AK5: variants seen among roughly 807,000 people sequenced by gnomAD.
AK5 encodes the protein adenylate kinase 5, also known as adenylate kinase isoenzyme 5.
Under a neutral mutation model 69.5 loss-of-function variants are expected in AK5, and 27 were observed. The observed-to-expected ratio is 0.39, with a 90% CI of 0.29 to 0.54. The LOEUF (loss-of-function observed/expected upper bound fraction) is 0.54, where lower values mean the gene tolerates loss of function less well. AK5 is among the 20% of genes least tolerant of loss of function. The pLI is 0.71. For synonymous variants in AK5, 260 were observed against 244.4 expected (o/e 1.06, Z -0.60); for missense variants, 531 against 700.4 (o/e 0.76, Z 2.73).
At chr1:77,518,445 T>G in intron 10 of AK5, 119 bp from the exon 11 acceptor site, 2 of 1,067,342 alleles carry the variant, frequency 1.9e-6, no homozygotes, top group Non-Finnish European at 1.4e-6. Context: ...ATAGCAAATC[T>G]CAAGTTCCCA....
intron 5 of AK5, among the ~76,000 whole-genome samples, chr1:77,334,044 C>G (rs1661223249): frequency 1.3e-5 from 2 of 152,066 alleles, no homozygotes; most frequent in African/African-American, 4.8e-5. Flanking sequence ...ATTTTCATTG[C>G]CCTTCGTTCA....
At chr1:77,481,942 A>G (rs1655277647) in intron 8 of AK5, among the ~76,000 whole-genome samples, 1 of 152,254 alleles carries the variant, frequency 6.6e-6, no homozygotes, top group Non-Finnish European at 1.5e-5. Flanking sequence ...TACCACATAT[A>G]CAATAGAATG....
At chr1:77,378,855 A>G (rs1161908275) in intron 6 of AK5, among the ~76,000 whole-genome samples, 1 of 152,184 alleles carries the variant, frequency 6.6e-6, no homozygotes, top group Non-Finnish European at 1.5e-5. Flanking sequence ...GATAGGCAGG[A>G]CAGCAAACTG....
chr1:77,533,970 A>G (rs1658816379), intron 12 of AK5, among the ~76,000 whole-genome samples: 1 of 151,840 alleles, frequency 6.6e-6, no homozygotes, highest in Non-Finnish European at 1.5e-5. Context: ...CTTCCAATTA[A>G]TACAGACAGA....
chr1:77,367,577 A>G (rs750040065), intron 6 of AK5, among the ~76,000 whole-genome samples: 150 of 8,990 alleles, frequency 0.017, 23 homozygotes, highest in Non-Finnish European at 0.032. Flanking sequence ...ATATATATAT[A>G]TAATATATAT....
chr1:77,286,288 A>AT (rs1658346683), intron 1 of AK5, among the ~76,000 whole-genome samples: 1 of 151,398 alleles, frequency 6.6e-6, no homozygotes, highest in Admixed American at 6.6e-5. Context: ...TAGGAGTGAG[A>AT]TAAATAATGA....
chr1:77,316,097 A>G (rs1439044891), intron 5 of AK5, among the ~76,000 whole-genome samples: 2 of 152,154 alleles, frequency 1.3e-5, no homozygotes, highest in Non-Finnish European at 2.9e-5. Context: ...ATCATAGTGG[A>G]GTGGTCATGA....
At chr1:77,409,585 T>C (rs1570521560) in intron 6 of AK5, among the ~76,000 whole-genome samples, 1 of 152,010 alleles carries the variant, frequency 6.6e-6, no homozygotes, top group South Asian at 2.1e-4. Context: ...TTAATGGAGG[T>C]ATTTGTTTTA....
rs143758831 is a variant in AK5, at chr1:77,469,783, A to G, written c.1060-13534A>G. Among the ~76,000 whole-genome samples the G allele has an allele frequency of 2.6e-4, 39 of 152,342 alleles. No homozygotes were observed. In the East Asian group the frequency reaches 7.3e-3, roughly 29 times the overall value. The stretch of plus-strand genomic sequence containing the variant: ...TGGAAGCATGCAGGATACTTGAAGC[A>G]TAGCCGTGGAACTAGCATACTGTAA... On this transcript the variant is annotated intron_variant, in intron 8 of 13. Coordinates refer to ENST00000354567, the MANE Select transcript of AK5 (RefSeq NM_174858.3).
intron 6 of AK5, among the ~76,000 whole-genome samples, chr1:77,389,598 G>C (rs527559831): frequency 1.8e-4 from 28 of 152,310 alleles, no homozygotes; most frequent in African/African-American, 5.5e-4. Flanking sequence ...TAGGAAATTT[G>C]TGAAAATTTG....
intron 7 of AK5, among the ~76,000 whole-genome samples, chr1:77,413,179 C>A (rs2100573878): frequency 6.6e-6 from 1 of 152,278 alleles, no homozygotes; most frequent in Admixed American, 6.5e-5. Flanking sequence ...CCCAACGTCA[C>A]TGGCACCAGC....
chr1:77,298,462 A>G (rs558899510), intron 5 of AK5, among the ~76,000 whole-genome samples: 7 of 152,094 alleles, frequency 4.6e-5, no homozygotes, highest in Middle Eastern at 3.4e-3. Flanking sequence ...AAAATATTTT[A>G]TATATCTATT....
intron 6 of AK5, among the ~76,000 whole-genome samples, chr1:77,348,740 C>T (rs1662040286): frequency 6.6e-6 from 1 of 151,580 alleles, no homozygotes; most frequent in South Asian, 2.1e-4. Context: ...TGTATACACA[C>T]CCACACACCC....
intron 7 of AK5, among the ~76,000 whole-genome samples, chr1:77,413,483 G>A (rs1041568766): frequency 2.0e-5 from 3 of 152,066 alleles, no homozygotes; most frequent in South Asian, 2.1e-4. Context: ...TGCTCTGATC[G>A]TCTGCTTCTT....
intron 8 of AK5, among the ~76,000 whole-genome samples, chr1:77,473,519 A>C (rs1178639832): frequency 1.3e-5 from 2 of 152,068 alleles, no homozygotes; most frequent in African/African-American, 4.8e-5. Context: ...CCAGGATTGG[A>C]CAGCTACGGA....
intron 10 of AK5, among the ~76,000 whole-genome samples, chr1:77,510,193 C>G (rs895000599): frequency 6.6e-6 from 1 of 152,146 alleles, no homozygotes; most frequent in Non-Finnish European, 1.5e-5. Flanking sequence ...GACACTGGGC[C>G]AGGTTCTGTG....
chr1:77,411,894 C>A (rs1354053250), intron 7 of AK5, among the ~76,000 whole-genome samples: 3 of 152,152 alleles, frequency 2.0e-5, no homozygotes, highest in Non-Finnish European at 4.4e-5. Flanking sequence ...ACCCACAGAA[C>A]ACAGATAACC....
chr1:77,464,602 G>A (rs1654030243), intron 8 of AK5, among the ~76,000 whole-genome samples: 1 of 152,150 alleles, frequency 6.6e-6, no homozygotes, highest in Non-Finnish European at 1.5e-5. Flanking sequence ...GGCATATTGA[G>A]GGACAGCCGG....
At chr1:77,539,181 A>G (rs1570335224) in intron 13 of AK5, among the ~76,000 whole-genome samples, 1 of 152,208 alleles carries the variant, frequency 6.6e-6, no homozygotes, top group Non-Finnish European at 1.5e-5. Context: ...TTCATTTAGC[A>G]CGGATGACTC....
Sources: gnomAD v4.1 joint callset for allele counts (sites outside exome capture counted in the v4.1 genomes callset) on GRCh38, gnomAD v4.1.1 for gene constraint, MANE v1.5 for transcripts, NCBI Gene and HGNC (gene_info 2026-07-23, HGNC 2026-07-21) for gene names.